The following SNAP29 variants were observed in gnomAD, a reference collection of about 807,000 sequenced individuals.
The protein encoded by SNAP29 is synaptosome associated protein 29.
SNAP29 carries 13 observed loss-of-function variants against 27.9 expected under a neutral mutation model. That is an observed-to-expected ratio of 0.47 (90% CI 0.30 to 0.74). The LOEUF (loss-of-function observed/expected upper bound fraction) is 0.74, where lower values mean the gene tolerates loss of function less well. SNAP29 is among the 30% of genes least tolerant of loss of function. SNAP29 has a pLI of 0.06. For synonymous variants in SNAP29, 119 were observed against 127.1 expected, an observed-to-expected ratio of 0.94 and a Z score of 0.43; for missense variants, 368 against 336.5, an observed-to-expected ratio of 1.09 and a Z score of -0.73.
intron 2 of SNAP29, among the ~76,000 whole-genome samples, chr22:20,877,173 C>T (rs925377803): frequency 3.9e-5 from 6 of 152,188 alleles, no homozygotes; most frequent in African/African-American, 1.4e-4. Context: ...CCTATAATCC[C>T]AGCACTTTGG....
chr22:20,887,721 T>G lies in SNAP29; in HGVS notation c.662T>G (p.Leu221Arg), dbSNP rs1400950800. ...MGLGRLKDIA[L>R]GMQTEIEEQD... ...CTGGGTCGTCTGAAGGACATAGCCC[T>G]GGGGATGCAGACAGAAATTGAGGAG... Residue 221 changes from leucine to arginine, a missense_variant, in exon 5 of 5, where the codon CTG becomes CGG. By Grantham distance (102) the Leu-to-Arg change is moderately radical (BLOSUM62 -2). Coordinates refer to ENST00000215730, the MANE Select transcript of SNAP29 (RefSeq NM_004782.4). 6.2e-7 allele frequency: 1 copy of G among 1,614,176 alleles called. No individual in the cohort carries two copies. Among genetic ancestry groups the G allele is most frequent in the Non-Finnish European group, 8.5e-7 (1 of 1,180,040 alleles).
intron 2 of SNAP29, among the ~76,000 whole-genome samples, chr22:20,874,349 C>CCCCA (rs1569117973): frequency 3.2e-5 from 4 of 123,496 alleles, no homozygotes; most frequent in African/African-American, 8.9e-5. Flanking sequence ...CGAAAATTAG[C>CCCCA]CACACACACA....
intron 2 of SNAP29, among the ~76,000 whole-genome samples, chr22:20,872,041 ATACTT>A (rs1928605418): frequency 6.6e-6 from 1 of 152,162 alleles, no homozygotes; most frequent in Non-Finnish European, 1.5e-5. Flanking sequence ...CAGACAATCT[ATACTT>A]TACCTACCGC....
chr22:20,863,664 C>G (rs1032217934), intron 1 of SNAP29, among the ~76,000 whole-genome samples: 1 of 152,006 alleles, frequency 6.6e-6, no homozygotes, highest in African/African-American at 2.4e-5. Context: ...AGCATGATTT[C>G]TTCTTTTTTT....
At chr22:20,882,608 G>A (rs1286811573) in intron 3 of SNAP29, among the ~76,000 whole-genome samples, 3 of 152,160 alleles carry the variant, frequency 2.0e-5, no homozygotes, top group African/African-American at 4.8e-5. Context: ...ATTCTGGAAA[G>A]GCAAGTGGAG....
chr22:20,872,284 A>G (rs1928612162), intron 2 of SNAP29, among the ~76,000 whole-genome samples: 1 of 151,864 alleles, frequency 6.6e-6, no homozygotes, highest in Non-Finnish European at 1.5e-5. Context: ...CTTGTTGCCC[A>G]GGCTGGAGTG....
chr22:20,875,056 C>A (rs1030727406), intron 2 of SNAP29, among the ~76,000 whole-genome samples: 1 of 152,070 alleles, frequency 6.6e-6, no homozygotes, highest in Non-Finnish European at 1.5e-5. Context: ...CATCCCTGAA[C>A]ATAGCTATGA....
At chr22:20,885,946 A>C (rs1352220638) in intron 4 of SNAP29, among the ~76,000 whole-genome samples, 4 of 152,046 alleles carry the variant, frequency 2.6e-5, no homozygotes. Flanking sequence ...TGGTGGTTTT[A>C]CATTATCACA....
intron 2 of SNAP29, among the ~76,000 whole-genome samples, chr22:20,879,620 C>T (rs188002262): frequency 2.0e-5 from 3 of 151,666 alleles, no homozygotes; most frequent in East Asian, 3.9e-4. Flanking sequence ...CTAAGGCGGG[C>T]GGATCACCTG....
intron 1 of SNAP29, among the ~76,000 whole-genome samples, chr22:20,863,319 G>A (rs550173980): frequency 2.1e-5 from 3 of 142,584 alleles, no homozygotes; most frequent in Non-Finnish European, 4.6e-5. Flanking sequence ...TAGGTGCCTG[G>A]TTACCCCAGC....
chr22:20,886,945 C>T lies in SNAP29; in HGVS notation c.620-734C>T, dbSNP rs186371479. 3.6e-3 allele frequency among the ~76,000 whole-genome samples: 547 copies of T among 151,618 alleles called. 6 individuals carry two copies. The highest frequency in any genetic ancestry group is 0.013 in the African/African-American group (520 of 41,406). On this transcript the variant is annotated intron_variant, in intron 4 of 4. Transcript: ENST00000215730. ...CCTTTTTAAAAAAACTGATTTTGGCCGGGCGCGGTGGCTCACGCCTGTAAT... is the reference window on the plus strand; with the variant it reads ...CCTTTTTAAAAAAACTGATTTTGGCTGGGCGCGGTGGCTCACGCCTGTAAT...
chr22:20,872,306 T>G (rs1163194965), intron 2 of SNAP29, among the ~76,000 whole-genome samples: 2 of 152,112 alleles, frequency 1.3e-5, no homozygotes, highest in Non-Finnish European at 2.9e-5. Context: ...AAAGACGTGA[T>G]CTCAGCTCAC....
At chr22:20,866,313 C>G (rs1173728542) in intron 1 of SNAP29, among the ~76,000 whole-genome samples, 1 of 152,226 alleles carries the variant, frequency 6.6e-6, no homozygotes. Flanking sequence ...GTTTGAGCAT[C>G]TGCCATGGGT....
intron 3 of SNAP29, among the ~76,000 whole-genome samples, chr22:20,881,790 A>G (rs904875592): frequency 6.6e-6 from 1 of 152,224 alleles, no homozygotes; most frequent in Non-Finnish European, 1.5e-5. Flanking sequence ...CAACTGCAGA[A>G]AAACCCCTTG....
chr22:20,859,065 T>G lies in SNAP29; in HGVS notation c.-46T>G. 6.7e-7 allele frequency: 1 copy of G among 1,500,042 alleles called. No homozygotes were observed. Among genetic ancestry groups the G allele is most frequent in the South Asian group, 1.2e-5 (1 of 85,836 alleles). 92.9% of individuals were successfully genotyped at this position (1,500,042 alleles called of 1,614,324 possible). ...GCGAGGCCCTGGACGGCGGCGGCAG[T>G]GGGGCTCCTCCTTCTGTTTCCCAGA... On this transcript the variant is annotated 5_prime_UTR_variant, in exon 1 of 5. Coordinates refer to ENST00000215730, the MANE Select transcript of SNAP29 (RefSeq NM_004782.4).
intron 1 of SNAP29, among the ~76,000 whole-genome samples, chr22:20,865,347 C>T (rs1432588270): frequency 3.3e-5 from 5 of 151,728 alleles, no homozygotes; most frequent in African/African-American, 1.2e-4. Context: ...AAAGTGAGAC[C>T]CTGTCTCAAA....
At chr22:20,885,426 A>G (rs1484735336) in intron 4 of SNAP29, among the ~76,000 whole-genome samples, 1 of 152,022 alleles carries the variant, frequency 6.6e-6, no homozygotes, top group Admixed American at 6.6e-5. Flanking sequence ...ACCTCCTTCT[A>G]TGCCCTGGAC....
chr22:20,870,595 C>G (rs778924024), intron 2 of SNAP29, 62 bp downstream of exon 2: 337 of 1,475,660 alleles, frequency 2.3e-4, no homozygotes, highest in Non-Finnish European at 2.9e-4. Flanking sequence ...TGCAAATGAC[C>G]AAGACTTTCA....
chr22:20,870,604 C>G (rs1167343245), intron 2 of SNAP29, 71 bp downstream of exon 2: 4 of 1,352,658 alleles, frequency 3.0e-6, no homozygotes, highest in Non-Finnish European at 4.2e-6. Flanking sequence ...CCAAGACTTT[C>G]AGTCCACGTC....
Sources: allele counts gnomAD v4.1 joint callset (sites outside exome capture counted in the v4.1 genomes callset), GRCh38; gene constraint gnomAD v4.1.1; transcripts MANE v1.5; gene names NCBI Gene and HGNC (gene_info 2026-07-23, HGNC 2026-07-21).